SOX5: variants seen among roughly 807,000 people sequenced by gnomAD.
SOX5 encodes transcription factor SOX-5.
A neutral mutation model predicts 92.0 loss-of-function variants in SOX5; 9 were observed. The observed-to-expected ratio is 0.10, with a 90% CI of 0.06 to 0.17. SOX5 has a LOEUF of 0.17. Ranked by LOEUF, SOX5 falls within the 10% of genes least tolerant of loss-of-function variation. SOX5 has a pLI of 1.00. For missense variants in SOX5, 642 were observed against 944.5 expected, an observed-to-expected ratio of 0.68 and a Z score of 4.20; for synonymous variants, 344 against 336.3, an observed-to-expected ratio of 1.02 and a Z score of -0.25.
In SOX5 at chr12:23,909,916, C is replaced by A. The variant is rs1469853891; in HGVS notation, c.39-13892G>T. Among the ~76,000 whole-genome samples the A allele has an allele frequency of 4.6e-5, 7 of 152,102 alleles. No homozygotes were observed. In the East Asian group the frequency reaches 7.7e-4, roughly 17 times the overall value. Reference sequence around the variant, plus strand: ...TGTGTTCCAAAGGGGACCAAATCCACCCCAACCTCTACTTCCATCCTCTTT... The same window carrying A: ...TGTGTTCCAAAGGGGACCAAATCCAACCCAACCTCTACTTCCATCCTCTTT... On this transcript the variant is annotated intron_variant, in intron 1 of 14. Transcript: ENST00000451604.
chr12:23,885,198 T>G (rs796510547), intron 2 of SOX5, among the ~76,000 whole-genome samples: 14 of 152,262 alleles, frequency 9.2e-5, no homozygotes, highest in African/African-American at 3.4e-4. Context: ...GCTGGAGAGG[T>G]GGTTTCAAAG....
chr12:24,066,151 C>T (rs895893275), intron 4 of SOX5, among the ~76,000 whole-genome samples: 1 of 152,152 alleles, frequency 6.6e-6, no homozygotes, highest in African/African-American at 2.4e-5. Flanking sequence ...AATGAACCAA[C>T]TATATATAAA....
At chr12:24,520,011 G>T (rs1018945318) in intron 1 of SOX5, among the ~76,000 whole-genome samples, 2 of 151,562 alleles carry the variant, frequency 1.3e-5, no homozygotes, top group South Asian at 2.1e-4. Context: ...GGCCAGGAGA[G>T]AGTGAAACAA....
At position 23,532,459 on chromosome 12, in the gene SOX5, T is replaced by C. The variant is rs1272687635; in HGVS notation, c.*1760A>G. On this transcript the variant is annotated 3_prime_UTR_variant, in exon 15 of 15. Transcript: ENST00000451604. ...GATACTTCAATACAAATAATGGCAA[T>C]TGACTTGAAATGATTTTGCATTTAT... 1 of 152,222 alleles carries C rather than the reference T, an allele frequency of 6.6e-6. No individual in the cohort carries two copies. The highest frequency in any genetic ancestry group is 1.5e-5 in the Non-Finnish European group (1 of 68,052). The allele number at this position is 152,222 out of a possible 1,614,324, so 9.4% of individuals were successfully genotyped here. A position where few individuals can be genotyped will look rare whatever the true frequency, so the allele number is the denominator to read the frequency against.
intron 4 of SOX5, among the ~76,000 whole-genome samples, chr12:24,060,155 T>C (rs1327808879): frequency 3.9e-5 from 6 of 152,248 alleles, no homozygotes; most frequent in Admixed American, 1.3e-4. Flanking sequence ...ACAGCATTTA[T>C]TGAGCATCTA....
intron 11 of SOX5, among the ~76,000 whole-genome samples, chr12:23,554,700 T>C (rs1944812715): frequency 6.6e-6 from 1 of 152,182 alleles, no homozygotes; most frequent in Admixed American, 6.5e-5. Flanking sequence ...AGCAAGTCTT[T>C]TTTATTGGTA....
intron 2 of SOX5, among the ~76,000 whole-genome samples, chr12:24,352,051 T>C (rs1314760610): frequency 1.3e-5 from 2 of 152,314 alleles, no homozygotes; most frequent in East Asian, 3.9e-4. Flanking sequence ...TTTAAGTATC[T>C]TGAAAGCAAA....
chr12:24,326,864 T>G (rs2140948155), intron 2 of SOX5, among the ~76,000 whole-genome samples: 1 of 151,106 alleles, frequency 6.6e-6, no homozygotes, highest in African/African-American at 2.4e-5. Flanking sequence ...CCTGTCTTCC[T>G]TTCTCCATCT....
rs568700314 is a variant in SOX5, at chr12:23,864,906, T to C, written c.271-18713A>G. The stretch of plus-strand genomic sequence containing the variant: ...TCAGTGTAGACAAAACAATCTTCTA[T>C]TGGAGGGAGACACACCATCTAAGAC... On this transcript the variant is annotated intron_variant, in intron 2 of 14. Coordinates refer to ENST00000451604, the MANE Select transcript of SOX5 (RefSeq NM_006940.6). Among the ~76,000 whole-genome samples the C allele has an allele frequency of 3.3e-5, 5 of 152,290 alleles. No homozygotes were observed. In the South Asian group the frequency reaches 6.2e-4, roughly 19 times the overall value.
intron 4 of SOX5, among the ~76,000 whole-genome samples, chr12:24,037,492 G>A: frequency 6.6e-6 from 1 of 152,074 alleles, no homozygotes; most frequent in East Asian, 1.9e-4. Context: ...TAAGAAAAAA[G>A]CCACCTGCCC....
At chr12:23,958,926 T>C (rs924912349) in intron 4 of SOX5, among the ~76,000 whole-genome samples, 7 of 151,772 alleles carry the variant, frequency 4.6e-5, no homozygotes, top group African/African-American at 1.4e-4. Context: ...TAACACCTAG[T>C]CATTAGAGAT....
chr12:23,957,943 C>T (rs1591798124), intron 4 of SOX5, among the ~76,000 whole-genome samples: 1 of 152,014 alleles, frequency 6.6e-6, no homozygotes, highest in East Asian at 1.9e-4. Flanking sequence ...TGAAGAACTG[C>T]TTGGGTATCA....
chr12:24,340,502 C>T (rs570271467), intron 2 of SOX5, among the ~76,000 whole-genome samples: 1 of 152,178 alleles, frequency 6.6e-6, no homozygotes, highest in African/African-American at 2.4e-5. Flanking sequence ...ATTTAAATAT[C>T]TGGGAGCTAA....
At chr12:24,463,642 C>T (rs1420400289) in intron 1 of SOX5, among the ~76,000 whole-genome samples, 2 of 152,172 alleles carry the variant, frequency 1.3e-5, no homozygotes, top group Non-Finnish European at 2.9e-5. Context: ...ATGCGATCTA[C>T]GGATTGGTGA....
chr12:24,439,482 C>A (rs1008521558), intron 1 of SOX5, among the ~76,000 whole-genome samples: 1 of 152,202 alleles, frequency 6.6e-6, no homozygotes, highest in South Asian at 2.1e-4. Flanking sequence ...GTCTTCCCAG[C>A]TCAATCTCAT....
chr12:23,743,108 T>G lies in SOX5; in HGVS notation c.569-2069A>C, dbSNP rs185829216. 1.4e-3 allele frequency among the ~76,000 whole-genome samples: 207 copies of G among 152,314 alleles called. 1 individual carries two copies. The Middle Eastern group carries it at 0.014, about 10-fold the overall frequency. ...TTTTGTAACCATAAAAAATTATTTT[T>G]GAAGAAAATTTAATGACATGGGATC... is the stretch of plus-strand genomic sequence containing the variant. On this transcript the variant is annotated intron_variant, in intron 4 of 14. Transcript: ENST00000451604.
At chr12:23,887,505 G>C (rs1184854680) in intron 2 of SOX5, among the ~76,000 whole-genome samples, 3 of 152,158 alleles carry the variant, frequency 2.0e-5, no homozygotes, top group Non-Finnish European at 4.4e-5. Context: ...TAACAAGTGA[G>C]ATAAAGATGA....
intron 3 of SOX5, among the ~76,000 whole-genome samples, chr12:24,247,136 C>T (rs994267015): frequency 4.6e-5 from 7 of 152,056 alleles, no homozygotes; most frequent in South Asian, 4.1e-4. Context: ...TGAGTGCCTC[C>T]GATGCCGTGC....
At chr12:23,534,590 A>T (rs1939800797) in intron 14 of SOX5, 68 bp from the exon 15 acceptor site, 1 of 1,262,494 alleles carries the variant, frequency 7.9e-7, no homozygotes, top group East Asian at 2.4e-5. Context: ...ACTTTACTAC[A>T]TAATTAATTT....
Sources: allele counts gnomAD v4.1 joint callset (sites outside exome capture counted in the v4.1 genomes callset), GRCh38; gene constraint gnomAD v4.1.1; transcripts MANE v1.5; gene names NCBI Gene and HGNC (gene_info 2026-07-23, HGNC 2026-07-21).